The following FAF1 variants were observed in gnomAD, a reference collection of about 807,000 sequenced individuals.
The protein encoded by FAF1 is Fas associated factor 1, also known as FAS-associated factor 1.
Under a neutral mutation model 92.5 loss-of-function variants are expected in FAF1, and 25 were observed. The ratio of observed to expected loss-of-function variants is 0.27; its 90% CI spans 0.20 to 0.38. The LOEUF (loss-of-function observed/expected upper bound fraction) is 0.38, where lower values mean the gene tolerates loss of function less well. FAF1 is among the 10% of genes least tolerant of loss of function. FAF1 has a pLI of 1.00. For missense variants in FAF1, 636 were observed against 793.3 expected, an observed-to-expected ratio of 0.80 and a Z score of 2.38; for synonymous variants, 234 against 273.2, an observed-to-expected ratio of 0.86 and a Z score of 1.42.
At chr1:50,488,818 A>G (rs1455494159) in intron 17 of FAF1, among the ~76,000 whole-genome samples, 1 of 152,244 alleles carries the variant, frequency 6.6e-6, no homozygotes, top group Non-Finnish European at 1.5e-5. Context: ...ATTGATAAGC[A>G]TACGTAAAGC....
At chr1:50,819,735 A>AG (rs1644020339) in intron 2 of FAF1, among the ~76,000 whole-genome samples, 1 of 31,138 alleles carries the variant, frequency 3.2e-5, no homozygotes, top group Non-Finnish European at 7.9e-5. Flanking sequence ...ATATACATAT[A>AG]TATACATATA....
chr1:50,792,681 G>C (rs1237509282), intron 3 of FAF1, among the ~76,000 whole-genome samples: 13 of 152,164 alleles, frequency 8.5e-5, no homozygotes. Flanking sequence ...TGAGGTCCTG[G>C]AGGATACTGC....
At chr1:50,779,591 A>G (rs530694707) in intron 4 of FAF1, among the ~76,000 whole-genome samples, 7 of 151,550 alleles carry the variant, frequency 4.6e-5, no homozygotes, top group African/African-American at 1.7e-4. Flanking sequence ...ATTATATATA[A>G]AATACTCTAT....
At chr1:50,486,409 C>T (rs1300654791) in intron 17 of FAF1, among the ~76,000 whole-genome samples, 1 of 152,148 alleles carries the variant, frequency 6.6e-6, no homozygotes, top group Non-Finnish European at 1.5e-5. Context: ...TTGTTCATGA[C>T]TACTCTTGCA....
intron 7 of FAF1, among the ~76,000 whole-genome samples, chr1:50,682,269 G>A (rs1656459277): frequency 6.6e-6 from 1 of 152,048 alleles, no homozygotes; most frequent in South Asian, 2.1e-4. Flanking sequence ...GGAGGCCAAG[G>A]TGGGCCCATC....
chr1:50,900,955 AG>A (rs1386382112), intron 1 of FAF1, among the ~76,000 whole-genome samples: 1 of 152,036 alleles, frequency 6.6e-6, no homozygotes, highest in Non-Finnish European at 1.5e-5. Flanking sequence ...GATTTCTAAT[AG>A]AGGTAAAATC....
At chr1:50,918,802 C>T (rs544517344) in intron 1 of FAF1, among the ~76,000 whole-genome samples, 3,594 of 134,118 alleles carry the variant, frequency 0.027, 193 homozygotes, top group African/African-American at 0.099. Context: ...AGTTTACAGT[C>T]CCACCAACAG....
At chr1:50,536,712 TTACTTAC>T (rs2149038478) in intron 14 of FAF1, among the ~76,000 whole-genome samples, 7 of 152,250 alleles carry the variant, frequency 4.6e-5, no homozygotes, top group African/African-American at 1.7e-4. Context: ...TCTAATTCCA[TTACTTAC>T]AAGCTATATA....
intron 1 of FAF1, among the ~76,000 whole-genome samples, chr1:50,927,123 T>G (rs1014663706): frequency 6.6e-5 from 10 of 152,168 alleles, no homozygotes; most frequent in Non-Finnish European, 1.5e-4. Context: ...GGAGTTAACG[T>G]TTAATCAATA....
rs1423499758 is a variant in FAF1 at position 50,459,677 on chromosome 1, C to A, written c.1869+15787G>T. ...GTTGCCATCTTAGTACTGTCTCCCACAGCCTGTTTAATTTTCTAGTGCAAT... is the reference window on the plus strand; with the variant it reads ...GTTGCCATCTTAGTACTGTCTCCCAAAGCCTGTTTAATTTTCTAGTGCAAT... On this transcript the variant is annotated intron_variant, in intron 18 of 18. Coordinates refer to ENST00000396153, the MANE Select transcript of FAF1 (RefSeq NM_007051.3). Among the ~76,000 whole-genome samples the A allele has an allele frequency of 2.6e-5, 4 of 152,302 alleles. No homozygotes were observed. In the East Asian group the frequency reaches 7.7e-4, roughly 29 times the overall value.
At chr1:50,622,016 A>G (rs1464238420) in intron 8 of FAF1, among the ~76,000 whole-genome samples, 1 of 151,934 alleles carries the variant, frequency 6.6e-6, no homozygotes, top group Non-Finnish European at 1.5e-5. Flanking sequence ...AAATACAAAA[A>G]TTAGCCGGGC....
intron 4 of FAF1, among the ~76,000 whole-genome samples, chr1:50,765,286 T>C (rs560771821): frequency 1.3e-5 from 2 of 152,356 alleles, no homozygotes; most frequent in African/African-American, 4.8e-5. Flanking sequence ...GCCATTTAAA[T>C]GCCTAAAAAA....
chr1:50,925,997 C>T (rs1004991601), intron 1 of FAF1, among the ~76,000 whole-genome samples: 4 of 152,182 alleles, frequency 2.6e-5, no homozygotes, highest in African/African-American at 9.7e-5. Flanking sequence ...AGGAGGGTCG[C>T]TTAAGGCCAG....
intron 6 of FAF1, among the ~76,000 whole-genome samples, chr1:50,707,874 G>A (rs1657751495): frequency 6.6e-6 from 1 of 152,174 alleles, no homozygotes; most frequent in African/African-American, 2.4e-5. Flanking sequence ...AACTACCATA[G>A]GAGTTAAGAC....
At chr1:50,641,297 T>G (rs908417625) in intron 8 of FAF1, among the ~76,000 whole-genome samples, 1 of 152,052 alleles carries the variant, frequency 6.6e-6, no homozygotes, top group African/African-American at 2.4e-5. Context: ...TCATTGACAT[T>G]GGACCGCCTT....
At chr1:50,853,922 A>G (rs1644371578) in intron 2 of FAF1, among the ~76,000 whole-genome samples, 1 of 152,082 alleles carries the variant, frequency 6.6e-6, no homozygotes, top group Non-Finnish European at 1.5e-5. Context: ...TTAACAAAAA[A>G]TTAGGACAAA....
chr1:50,873,301 T>C (rs1366384437), intron 1 of FAF1, among the ~76,000 whole-genome samples: 3 of 152,206 alleles, frequency 2.0e-5, no homozygotes, highest in Admixed American at 6.5e-5. Context: ...CTTTACCGCA[T>C]TGGTCGGGAA....
intron 8 of FAF1, among the ~76,000 whole-genome samples, chr1:50,616,919 G>C (rs756084439): frequency 1.1e-4 from 17 of 152,126 alleles, no homozygotes; most frequent in Non-Finnish European, 1.5e-4. Flanking sequence ...GACCTCAAGT[G>C]ATCTGCCCAC....
intron 4 of FAF1, among the ~76,000 whole-genome samples, chr1:50,763,054 A>G (rs1404604663): frequency 1.3e-5 from 2 of 152,260 alleles, no homozygotes; most frequent in East Asian, 3.9e-4. Context: ...CAGGAGTTCA[A>G]GACCAGCCTA....
Sources: allele counts gnomAD v4.1 joint callset (sites outside exome capture counted in the v4.1 genomes callset), GRCh38; gene constraint gnomAD v4.1.1; transcripts MANE v1.5; gene names NCBI Gene and HGNC (gene_info 2026-07-23, HGNC 2026-07-21).